Variants in AGBL1 observed in about 807,000 individuals in gnomAD.
AGBL1 encodes cytosolic carboxypeptidase 4.
A neutral mutation model predicts 118.9 loss-of-function variants in AGBL1; 130 were observed. The ratio of observed to expected loss-of-function variants is 1.09; its 90% CI spans 0.95 to 1.26. The LOEUF is 1.26. AGBL1 is among the 50% of genes most tolerant of loss of function. The pLI is 0.00. For synonymous variants in AGBL1, 555 were observed against 478.9 expected, an observed-to-expected ratio of 1.16 and a Z score of -2.08; for missense variants, 1,584 against 1,298.1, an observed-to-expected ratio of 1.22 and a Z score of -3.38.
At chr15:86,254,490 T>G (rs905592798) in intron 7 of AGBL1, among the ~76,000 whole-genome samples, 4 of 152,266 alleles carry the variant, frequency 2.6e-5, no homozygotes, top group Non-Finnish European at 5.9e-5. Flanking sequence ...AGGGTATTTA[T>G]TACGCCAAAG....
At chr15:86,638,141 A>T (rs1222344250) in intron 21 of AGBL1, among the ~76,000 whole-genome samples, 2 of 152,192 alleles carry the variant, frequency 1.3e-5, no homozygotes, top group East Asian at 3.9e-4. Flanking sequence ...TTTTGAAAAA[A>T]ATCCTACAAT....
chr15:86,868,895 A>T (rs897517512), intron 22 of AGBL1, among the ~76,000 whole-genome samples: 1 of 152,244 alleles, frequency 6.6e-6, no homozygotes, highest in Non-Finnish European at 1.5e-5. Flanking sequence ...ACGGGTATGA[A>T]TTAAACTGCC....
At chr15:86,584,406 C>A (rs1054345309) in intron 21 of AGBL1, among the ~76,000 whole-genome samples, 3 of 152,016 alleles carry the variant, frequency 2.0e-5, no homozygotes, top group Non-Finnish European at 2.9e-5. Context: ...CTGTATGTGG[C>A]GATCCAGGTA....
intron 1 of AGBL1, among the ~76,000 whole-genome samples, chr15:86,114,312 C>G (rs1897622328): frequency 6.6e-6 from 1 of 152,184 alleles, no homozygotes; most frequent in Non-Finnish European, 1.5e-5. Context: ...TGCACTCTGC[C>G]TTGGCAAGGA....
At chr15:86,895,136 T>C (rs2080106707) in intron 22 of AGBL1, among the ~76,000 whole-genome samples, 1 of 140,952 alleles carries the variant, frequency 7.1e-6, no homozygotes, top group Admixed American at 7.6e-5. Context: ...TTCTACTTTC[T>C]TCTCTTTCTC....
chr15:86,211,430 G>A (rs571181909), intron 5 of AGBL1, among the ~76,000 whole-genome samples: 45 of 152,276 alleles, frequency 3.0e-4, no homozygotes, highest in Middle Eastern at 3.4e-3. Context: ...GTTCAGCTAC[G>A]CCCTGCCCCC....
At chr15:86,674,151 T>C in intron 21 of AGBL1, 122 bp from the exon 22 acceptor site, 1 of 948,474 alleles carries the variant, frequency 1.1e-6, no homozygotes, top group South Asian at 1.7e-5. Context: ...GACTGACAAA[T>C]ACAATTAATT....
chr15:87,008,230 C>T (rs1405490006), intron 24 of AGBL1, among the ~76,000 whole-genome samples: 1 of 152,172 alleles, frequency 6.6e-6, no homozygotes, highest in African/African-American at 2.4e-5. Context: ...ATCTAGAATT[C>T]CCATGTGTTG....
intron 1 of AGBL1, among the ~76,000 whole-genome samples, chr15:86,134,015 A>G (rs2076853039): frequency 6.6e-6 from 1 of 152,108 alleles, no homozygotes; most frequent in Admixed American, 6.5e-5. Flanking sequence ...CTTCTAAAAC[A>G]CTTCTTTCTT....
chr15:86,079,889 G>A lies in AGBL1; in HGVS notation c.-84G>A, dbSNP rs987402627. On this transcript the variant is annotated 5_prime_UTR_variant, in exon 1 of 23. Transcript: ENST00000614907. ...TCCGGGCAGTCGTCTCCTGCGAGGCGGGCAGCGAGGTCAGCTTGGCAGCCG... is the reference window on the plus strand; with the variant it reads ...TCCGGGCAGTCGTCTCCTGCGAGGCAGGCAGCGAGGTCAGCTTGGCAGCCG... 8 of 1,037,088 alleles carry A rather than the reference G, an allele frequency of 7.7e-6. No homozygotes were observed. The highest frequency in any genetic ancestry group is 8.5e-5 in the Admixed American group (2 of 23,452). 64.2% of individuals were successfully genotyped at this position (1,037,088 alleles called of 1,614,324 possible). A position where few individuals can be genotyped will look rare whatever the true frequency, so the allele number is the denominator to read the frequency against.
At chr15:86,902,687 G>C (rs192883450) in intron 22 of AGBL1, among the ~76,000 whole-genome samples, 63 of 152,172 alleles carry the variant, frequency 4.1e-4, no homozygotes, top group African/African-American at 1.4e-3. Flanking sequence ...AGAGTGTTAG[G>C]TTGTCAGTTC....
intron 1 of AGBL1, among the ~76,000 whole-genome samples, chr15:86,129,239 C>A (rs1354585122): frequency 1.3e-5 from 2 of 152,096 alleles, no homozygotes; most frequent in African/African-American, 4.8e-5. Flanking sequence ...TAGAATGAAA[C>A]TTGCTAAATT....
intron 22 of AGBL1, among the ~76,000 whole-genome samples, chr15:86,722,048 G>A (rs1016540207): frequency 4.7e-4 from 71 of 152,182 alleles, no homozygotes; most frequent in African/African-American, 1.6e-3. Flanking sequence ...TCATGGGTAG[G>A]AAGAATCAAT....
chr15:86,450,349 G>A (rs1419150912), intron 18 of AGBL1, among the ~76,000 whole-genome samples: 1 of 152,182 alleles, frequency 6.6e-6, no homozygotes, highest in African/African-American at 2.4e-5. Context: ...TAGGTATGAA[G>A]TTGGGACATA....
intron 22 of AGBL1, among the ~76,000 whole-genome samples, chr15:86,771,346 G>T (rs899212144): frequency 3.1e-4 from 47 of 151,996 alleles, no homozygotes; most frequent in African/African-American, 1.1e-3. Flanking sequence ...AGGAAAAAGG[G>T]TTCAAAGTAG....
intron 15 of AGBL1, among the ~76,000 whole-genome samples, chr15:86,275,112 T>C (rs1313736305): frequency 6.6e-6 from 1 of 152,222 alleles, no homozygotes; most frequent in Non-Finnish European, 1.5e-5. Context: ...TCCTCTGATG[T>C]GCACAGCCAC....
Position 86,909,893 on chromosome 15 carries a change from G to T in AGBL1, c.*2599G>T, listed in dbSNP as rs377739185. ...ACCATGACAGATAAGTTTTTATGTG[G>T]CATGTTCAGAAAAAGCCAGGAACAT... On this transcript the variant is annotated 3_prime_UTR_variant, in exon 23 of 23. Coordinates refer to ENST00000614907, the MANE Select transcript of AGBL1 (RefSeq NM_001386094.1). The T allele has an allele frequency of 6.6e-6, 1 of 152,156 alleles. No individual in the cohort carries two copies. The highest frequency in any genetic ancestry group is 2.4e-5 in the African/African-American group (1 of 41,446). 9.4% of individuals were successfully genotyped at this position (152,156 alleles called of 1,614,324 possible). A position where few individuals can be genotyped will look rare whatever the true frequency, so the allele number is the denominator to read the frequency against.
chr15:86,946,917 A>C (rs1233130173), intron 23 of AGBL1, among the ~76,000 whole-genome samples: 1 of 151,438 alleles, frequency 6.6e-6, no homozygotes. Context: ...GGGAGATGGG[A>C]ATTGATTCAT....
chr15:86,604,778 C>T (rs28405480), intron 21 of AGBL1, among the ~76,000 whole-genome samples: 155 of 145,530 alleles, frequency 1.1e-3, no homozygotes, highest in Non-Finnish European at 1.9e-3. Flanking sequence ...CTTTTTCTTT[C>T]TTTTTTTTTC....
Sources: allele counts gnomAD v4.1 joint callset (sites outside exome capture counted in the v4.1 genomes callset), GRCh38; gene constraint gnomAD v4.1.1; transcripts MANE v1.5; gene names NCBI Gene and HGNC (gene_info 2026-07-23, HGNC 2026-07-21).